The following MEIS2 variants were observed in gnomAD, a reference collection of about 807,000 sequenced individuals.
MEIS2 encodes homeobox protein Meis2.
In MEIS2, 9 loss-of-function variants were observed where a neutral mutation model predicts 58.6. The ratio of observed to expected loss-of-function variants is 0.15; its 90% CI spans 0.09 to 0.27. The LOEUF is 0.27. MEIS2 is among the 10% of genes least tolerant of loss of function. MEIS2 has a pLI of 1.00. For missense variants in MEIS2, 427 were observed against 635.0 expected, an observed-to-expected ratio of 0.67 and a Z score of 3.52; for synonymous variants, 221 against 228.4, an observed-to-expected ratio of 0.97 and a Z score of 0.29.
intron 8 of MEIS2, among the ~76,000 whole-genome samples, chr15:36,958,536 C>A (rs1035160219): frequency 2.0e-5 from 3 of 152,108 alleles, no homozygotes; most frequent in Non-Finnish European, 2.9e-5. Flanking sequence ...TCCGATACCA[C>A]CAACACTCAT....
intron 7 of MEIS2, among the ~76,000 whole-genome samples, chr15:37,081,068 T>A (rs1473521272): frequency 6.6e-6 from 1 of 152,164 alleles, no homozygotes; most frequent in African/African-American, 2.4e-5. Flanking sequence ...TCACAAAAAT[T>A]ATAAAGCAAC....
chr15:37,093,621 T>A lies in MEIS2; in HGVS notation c.599A>T (p.His200Leu). ...TGTGGAGGAGCCTGAAAGTTCTTCA[T>A]GATCTGACTTGGAGCTGCCGTCTCT... ...DERDGSSKSD[H>L]EELSGSSTNL... The change falls in exon 6 of 12, where the codon CAT (histidine) becomes CTT (leucine). Residue 200 changes from histidine (H) to leucine (L), a missense_variant. His to Leu is a moderately conservative substitution (Grantham distance 99). Transcript: ENST00000561208. The A allele has an allele frequency of 6.2e-7, 1 of 1,614,212 alleles. No homozygotes were observed. The highest frequency in any genetic ancestry group is 1.3e-5 in the African/African-American group (1 of 75,058).
chr15:37,005,918 C>T (rs565677045), intron 8 of MEIS2, among the ~76,000 whole-genome samples: 20 of 152,152 alleles, frequency 1.3e-4, no homozygotes, highest in African/African-American at 4.6e-4. Context: ...AGGAATTTAA[C>T]GGCATGACAA....
intron 9 of MEIS2, among the ~76,000 whole-genome samples, chr15:36,925,688 C>A (rs2141312324): frequency 6.6e-6 from 1 of 152,278 alleles, no homozygotes; most frequent in East Asian, 1.9e-4. Context: ...CAGCTCTTAG[C>A]AAAATGGTAG....
rs374241614 is a variant in MEIS2 at position 37,019,814 on chromosome 15, C to T, written c.900+17000G>A. On this transcript the variant is annotated intron_variant, in intron 8 of 11. Transcript: ENST00000561208. ...CAAACAGAAGTGACAAAATCCAAAA[C>T]CACAGGAGCAAGCACTGGCTTTCAA... is the stretch of plus-strand genomic sequence containing the variant. Among the ~76,000 whole-genome samples, 50 of 152,286 alleles carry T rather than the reference C, an allele frequency of 3.3e-4. 1 individual carries two copies. The South Asian group carries it at 9.7e-3, about 30-fold the overall frequency.
intron 7 of MEIS2, among the ~76,000 whole-genome samples, chr15:37,077,710 T>C (rs1172324536): frequency 3.9e-5 from 6 of 151,992 alleles, no homozygotes; most frequent in Admixed American, 3.3e-4. Flanking sequence ...TGAATTCTTA[T>C]ACCGAGAGGG....
intron 9 of MEIS2, among the ~76,000 whole-genome samples, chr15:36,914,595 AG>A (rs2057187287): frequency 6.6e-6 from 1 of 152,140 alleles, no homozygotes; most frequent in African/African-American, 2.4e-5. Context: ...TGATTCTGAG[AG>A]GCCTGGAGAA....
chr15:36,983,974 A>G (rs1472153824), intron 8 of MEIS2, among the ~76,000 whole-genome samples: 1 of 150,562 alleles, frequency 6.6e-6, no homozygotes, highest in Admixed American at 6.6e-5. Context: ...TGATTTTTGT[A>G]TGTTGATTTT....
At chr15:36,953,546 C>A (rs17434975) in intron 8 of MEIS2, among the ~76,000 whole-genome samples, 2 of 151,978 alleles carry the variant, frequency 1.3e-5, no homozygotes, top group African/African-American at 4.8e-5. Context: ...TAAGAGCACA[C>A]GTCATTGTAA....
chr15:36,981,580 G>A (rs2059929221), intron 8 of MEIS2, among the ~76,000 whole-genome samples: 2 of 152,046 alleles, frequency 1.3e-5, no homozygotes. Context: ...GAGTGGGCGT[G>A]TGTGTGTGCG....
At chr15:37,054,413 T>G (rs901661636) in intron 7 of MEIS2, among the ~76,000 whole-genome samples, 22 of 151,996 alleles carry the variant, frequency 1.4e-4, no homozygotes, top group African/African-American at 5.3e-4. Context: ...TTTAATTGTG[T>G]TTTGTTTTGT....
chr15:36,996,326 C>T (rs1443786561), intron 8 of MEIS2, among the ~76,000 whole-genome samples: 3 of 152,014 alleles, frequency 2.0e-5, no homozygotes, highest in Admixed American at 2.0e-4. Flanking sequence ...GAATGTGGGG[C>T]AGCTTTGGGG....
rs188575683 is a variant in MEIS2 at position 36,899,701 on chromosome 15, T to C, written c.978-3015A>G. Among the ~76,000 whole-genome samples the C allele has an allele frequency of 7.0e-4, 107 of 152,290 alleles. 2 individuals are homozygous for C. In the East Asian group the frequency reaches 0.011, roughly 15 times the overall value. On this transcript the variant is annotated intron_variant, in intron 9 of 11. Coordinates refer to ENST00000561208, the MANE Select transcript of MEIS2 (RefSeq NM_170675.5). ...TTTCAAGGTTCAGGCTCCATTCATA[T>C]GGAAAAATGTAACTTGCTGGTTCAA...
At chr15:36,910,680 G>A (rs911635856) in intron 9 of MEIS2, among the ~76,000 whole-genome samples, 13 of 152,078 alleles carry the variant, frequency 8.5e-5, no homozygotes, top group African/African-American at 1.2e-4. Flanking sequence ...CTGTTCATAA[G>A]TACCCCATGA....
At chr15:37,022,688 G>A (rs2061564932) in intron 8 of MEIS2, among the ~76,000 whole-genome samples, 1 of 151,948 alleles carries the variant, frequency 6.6e-6, no homozygotes, top group South Asian at 2.1e-4. Flanking sequence ...CGCCCAGGTT[G>A]GAGTGCAGTG....
intron 8 of MEIS2, among the ~76,000 whole-genome samples, chr15:36,962,981 T>G (rs981551339): frequency 3.9e-5 from 6 of 152,200 alleles, no homozygotes; most frequent in Non-Finnish European, 8.8e-5. Context: ...AGAGGATAGT[T>G]TTTAGCAAGA....
chr15:37,045,202 C>T (rs1298182706), intron 7 of MEIS2, among the ~76,000 whole-genome samples: 1 of 152,146 alleles, frequency 6.6e-6, no homozygotes, highest in Non-Finnish European at 1.5e-5. Flanking sequence ...GAGGGAACTG[C>T]CCACTGCCCA....
intron 7 of MEIS2, among the ~76,000 whole-genome samples, chr15:37,060,478 C>T (rs916046218): frequency 6.6e-6 from 1 of 152,070 alleles, no homozygotes; most frequent in Non-Finnish European, 1.5e-5. Context: ...ACTTTAGTTC[C>T]AGGAAGTTAT....
intron 7 of MEIS2, among the ~76,000 whole-genome samples, chr15:37,049,103 G>A (rs1415250474): frequency 6.6e-6 from 1 of 152,124 alleles, no homozygotes; most frequent in Non-Finnish European, 1.5e-5. Context: ...CATTATTTGA[G>A]ACCAAGCAGA....
Sources: allele counts gnomAD v4.1 joint callset (sites outside exome capture counted in the v4.1 genomes callset), GRCh38; gene constraint gnomAD v4.1.1; transcripts MANE v1.5; gene names NCBI Gene and HGNC (gene_info 2026-07-23, HGNC 2026-07-21).